Variants in DPYSL3 observed in about 807,000 individuals in gnomAD.
DPYSL3 encodes the protein dihydropyrimidinase like 3, also known as dihydropyrimidinase-related protein 3.
A neutral mutation model predicts 66.1 loss-of-function variants in DPYSL3; 16 were observed. The observed-to-expected ratio is 0.24, with a 90% CI of 0.16 to 0.37. The LOEUF (loss-of-function observed/expected upper bound fraction) is 0.37, where lower values mean the gene tolerates loss of function less well. Among genes scored for constraint, DPYSL3 ranks in the 10% least tolerant of loss-of-function variants. The probability of loss-of-function intolerance (pLI) is 1.00; values close to 1 mark genes in which losing one functional copy is unlikely to be tolerated. For missense variants in DPYSL3, 738 were observed against 916.2 expected (o/e 0.81, Z 2.51); for synonymous variants, 338 against 345.1 (o/e 0.98, Z 0.23).
intron 7 of DPYSL3, chr5:147,406,339 T>G (rs1758323885): frequency 6.6e-6 from 1 of 152,206 alleles, no homozygotes; most frequent in Admixed American, 6.5e-5. Flanking sequence ...TATTAAGAAA[T>G]TAGAAGTTTT....
At chr5:147,481,575 C>T (rs1395313894) in intron 1 of DPYSL3, among the ~76,000 whole-genome samples, 1 of 152,204 alleles carries the variant, frequency 6.6e-6, no homozygotes, top group Non-Finnish European at 1.5e-5. Context: ...TGAATATGTT[C>T]ACCAGAAAGT....
In DPYSL3 at chr5:147,445,370, G is replaced by A. The variant is rs1031780119; in HGVS notation, c.382-20407C>T. Among the ~76,000 whole-genome samples, 6 of 152,190 alleles carry A rather than the reference G, an allele frequency of 3.9e-5. 1 individual carries two copies. Among genetic ancestry groups the A allele is most frequent in the Admixed American group, 2.0e-4 (3 of 15,280 alleles). On this transcript the variant is annotated intron_variant, in intron 1 of 13. Coordinates refer to ENST00000343218, the MANE Select transcript of DPYSL3 (RefSeq NM_001197294.2). Reference sequence around the variant, plus strand: ...AGTGATCCTATGCCTTAAGAGTCTGGCCTTATTTAGAAGTTAATATTCTAG... The same window carrying A: ...AGTGATCCTATGCCTTAAGAGTCTGACCTTATTTAGAAGTTAATATTCTAG...
chr5:147,497,862 T>C (rs931877521), intron 1 of DPYSL3, among the ~76,000 whole-genome samples: 3 of 152,136 alleles, frequency 2.0e-5, no homozygotes, highest in Non-Finnish European at 4.4e-5. Context: ...GACACACTTT[T>C]TCACCACAAC....
At chr5:147,406,401 GCCTGGTTCTGAGT>G (rs1758325146) in intron 7 of DPYSL3, among the ~76,000 whole-genome samples, 3 of 152,116 alleles carry the variant, frequency 2.0e-5, no homozygotes, top group Admixed American at 1.3e-4. Context: ...CTCTCAGATG[GCCTGGTTCTGAGT>G]CCTGGTTCTG....
chr5:147,488,667 G>T (rs1056658430), intron 1 of DPYSL3, among the ~76,000 whole-genome samples: 14 of 152,120 alleles, frequency 9.2e-5, no homozygotes, highest in Non-Finnish European at 2.1e-4. Context: ...AATGAGTCAT[G>T]ATTGTGCCAC....
intron 1 of DPYSL3, among the ~76,000 whole-genome samples, chr5:147,502,863 A>G (rs1753633760): frequency 6.6e-6 from 1 of 152,188 alleles, no homozygotes; most frequent in Non-Finnish European, 1.5e-5. Context: ...AGCGTGAGCC[A>G]CTGTGCCCGG....
intron 1 of DPYSL3, among the ~76,000 whole-genome samples, chr5:147,430,313 T>C (rs1285094642): frequency 1.3e-5 from 2 of 151,696 alleles, no homozygotes; most frequent in South Asian, 2.1e-4. Context: ...CTGGCCAACA[T>C]GGTGAAACCC....
intron 2 of DPYSL3, among the ~76,000 whole-genome samples, chr5:147,420,056 C>T (rs964336532): frequency 1.3e-5 from 2 of 152,134 alleles, no homozygotes; most frequent in South Asian, 2.1e-4. Flanking sequence ...CAACGAAGGC[C>T]GCATTAATCC....
intron 1 of DPYSL3, among the ~76,000 whole-genome samples, chr5:147,427,572 C>G (rs935063962): frequency 3.5e-4 from 53 of 152,296 alleles, no homozygotes; most frequent in Middle Eastern, 3.4e-3. Context: ...AGTCCTAGGT[C>G]TGTGCTTCCA....
chr5:147,401,812 C>T, intron 8 of DPYSL3, 116 bp from the exon 9 acceptor site: 1 of 1,295,808 alleles, frequency 7.7e-7, no homozygotes, highest in Non-Finnish European at 1.0e-6. Flanking sequence ...GTCAGACTGA[C>T]CTGGGTTCAA....
intron 1 of DPYSL3, among the ~76,000 whole-genome samples, chr5:147,431,707 A>T (rs1752320161): frequency 6.6e-6 from 1 of 152,180 alleles, no homozygotes; most frequent in Non-Finnish European, 1.5e-5. Context: ...AGCCTCAGCA[A>T]CTGTTCTCAG....
chr5:147,420,452 T>C (rs1379109097), intron 2 of DPYSL3, among the ~76,000 whole-genome samples: 1 of 152,180 alleles, frequency 6.6e-6, no homozygotes, highest in Non-Finnish European at 1.5e-5. Context: ...CCTTTGCATA[T>C]ATACAGATAT....
chr5:147,449,245 T>A (rs1343136310), intron 1 of DPYSL3, among the ~76,000 whole-genome samples: 1 of 152,058 alleles, frequency 6.6e-6, no homozygotes, highest in Non-Finnish European at 1.5e-5. Flanking sequence ...CCTTCACTTC[T>A]CCGAAAAAGA....
chr5:147,423,636 C>T (rs1752130668), intron 2 of DPYSL3, among the ~76,000 whole-genome samples: 1 of 152,144 alleles, frequency 6.6e-6, no homozygotes, highest in Non-Finnish European at 1.5e-5. Context: ...AGTAAGTCTC[C>T]TTACTCTCAA....
chr5:147,494,893 A>AATC (rs976338204), intron 1 of DPYSL3, among the ~76,000 whole-genome samples: 2 of 149,112 alleles, frequency 1.3e-5, no homozygotes, highest in Non-Finnish European at 3.0e-5. Context: ...TAATAATAAT[A>AATC]ATAATAATAA....
At chr5:147,403,656 C>T (rs1199725994) in intron 8 of DPYSL3, among the ~76,000 whole-genome samples, 1 of 152,052 alleles carries the variant, frequency 6.6e-6, no homozygotes, top group African/African-American at 2.4e-5. Flanking sequence ...GTTAAAGAGC[C>T]CTGATGATTG....
In DPYSL3 at chr5:147,509,725, A is replaced by C; in HGVS notation, c.134T>G (p.Phe45Cys). Residue 45 changes from phenylalanine (F) to cysteine (C), a missense_variant, in exon 1 of 14, where the codon TTC becomes TGC. Transcript: ENST00000343218. This position sits in a 1 kb window ranked among gnomAD's most constrained non-coding sequence, Gnocchi z 5.3. ...ATCGAAATCCAGCGTCTTGCTCTCG[A>C]AGGCGCCCTCCACGTTGCAGAACAT... ...GGMFCNVEGAFESKTLDFDAL... is the reference protein window; with the variant it reads ...GGMFCNVEGACESKTLDFDAL... 1.3e-6 allele frequency: 2 copies of C among 1,535,890 alleles called. No homozygotes were observed. Among genetic ancestry groups the C allele is most frequent in the Non-Finnish European group, 1.7e-6 (2 of 1,146,766 alleles).
At chr5:147,395,789 A>C in intron 12 of DPYSL3, 68 bp from the exon 13 acceptor site, 1 of 1,573,794 alleles carries the variant, frequency 6.4e-7, no homozygotes, top group Admixed American at 1.8e-5. Flanking sequence ...TAGGTATCAT[A>C]AATATATTAG....
Position 147,509,528 on chromosome 5 carries a change from G to T in DPYSL3, c.331C>A (p.Arg111=). 6.5e-7 allele frequency: 1 copy of T among 1,534,366 alleles called. No individual in the cohort carries two copies. The highest frequency in any genetic ancestry group is 1.2e-5 in the South Asian group (1 of 83,830). The part of the protein sequence containing the change: ...ASPAPAGVEI[R]SATGKEVLQN... ...AACACCTCTTTGCCGGTGGCGCTCCGGATCTCTACCCCGGCGGGGGCGGGG... is the reference window on the plus strand; with the variant it reads ...AACACCTCTTTGCCGGTGGCGCTCCTGATCTCTACCCCGGCGGGGGCGGGG... The change falls in exon 1 of 14, where the codon CGG becomes AGG. Residue 111 remains arginine, a synonymous_variant. Coordinates refer to ENST00000343218, the MANE Select transcript of DPYSL3 (RefSeq NM_001197294.2). This position sits in a 1 kb window ranked among gnomAD's most constrained non-coding sequence, Gnocchi z 5.3.
Sources: gnomAD v4.1 joint callset for allele counts (sites outside exome capture counted in the v4.1 genomes callset) on GRCh38, gnomAD v4.1.1 for gene constraint, Gnocchi (gnomAD v3.1) non-coding constraint, MANE v1.5 for transcripts, NCBI Gene and HGNC (gene_info 2026-07-23, HGNC 2026-07-21) for gene names.